MALRD1: variants seen among roughly 807,000 people sequenced by gnomAD.
The protein encoded by MALRD1 is MAM and LDL receptor class A domain containing 1.
In MALRD1, 247 loss-of-function variants were observed where a neutral mutation model predicts 242.1. The observed-to-expected ratio is 1.02, with a 90% confidence interval of 0.92 to 1.13. The LOEUF (loss-of-function observed/expected upper bound fraction) is 1.13. MALRD1 is among the 50% of genes most tolerant of loss of function. MALRD1 has a pLI of 0.00. For synonymous variants in MALRD1, 995 were observed against 866.6 expected (o/e 1.15, Z -2.60); for missense variants, 2,989 against 2,533.1 (o/e 1.18, Z -3.86).
intron 36 of MALRD1, among the ~76,000 whole-genome samples, chr10:19,661,104 A>T (rs1841405877): frequency 6.6e-6 from 1 of 152,206 alleles, no homozygotes; most frequent in Admixed American, 6.5e-5. Context: ...CACACCAGTT[A>T]GAATGGCAAT....
chr10:19,055,712 A>T (rs1834642946), intron 1 of MALRD1, among the ~76,000 whole-genome samples: 2 of 152,200 alleles, frequency 1.3e-5, no homozygotes, highest in Admixed American at 1.3e-4. Flanking sequence ...TCAATTGACC[A>T]TCAATGTGTG....
intron 21 of MALRD1, among the ~76,000 whole-genome samples, chr10:19,313,256 T>C (rs1842505680): frequency 6.6e-6 from 1 of 151,088 alleles, no homozygotes; most frequent in Non-Finnish European, 1.5e-5. Context: ...TTATAATCCT[T>C]ACTTCTCAGA....
At chr10:19,418,592 G>A (rs763614031) in intron 28 of MALRD1, among the ~76,000 whole-genome samples, 2 of 152,006 alleles carry the variant, frequency 1.3e-5, no homozygotes, top group Non-Finnish European at 2.9e-5. Context: ...ACACTGTTAT[G>A]ATCATATGAT....
At chr10:19,350,440 TTTG>T (rs1844325432) in intron 25 of MALRD1, among the ~76,000 whole-genome samples, 2 of 151,678 alleles carry the variant, frequency 1.3e-5, no homozygotes, top group African/African-American at 2.4e-5. Flanking sequence ...CTAGCTGTTT[TTTG>T]TTGTTGTATT....
intron 24 of MALRD1, among the ~76,000 whole-genome samples, chr10:19,344,716 C>G (rs1048541138): frequency 1.4e-5 from 2 of 140,592 alleles, no homozygotes; most frequent in African/African-American, 5.4e-5. Context: ...AATACCATGT[C>G]AATTGGGGGG....
At chr10:19,537,907 G>A (rs1361490435) in intron 32 of MALRD1, among the ~76,000 whole-genome samples, 2 of 152,154 alleles carry the variant, frequency 1.3e-5, no homozygotes, top group Admixed American at 1.3e-4. Context: ...AAGTGAAGAT[G>A]ATTTCAGAAG....
intron 26 of MALRD1, among the ~76,000 whole-genome samples, chr10:19,358,556 A>G (rs1259591657): frequency 6.6e-6 from 1 of 152,154 alleles, no homozygotes; most frequent in Non-Finnish European, 1.5e-5. Flanking sequence ...AAAGACATAA[A>G]CTTGGATCTT....
At chr10:19,394,354 A>C (rs1311667802) in intron 28 of MALRD1, among the ~76,000 whole-genome samples, 1 of 152,202 alleles carries the variant, frequency 6.6e-6, no homozygotes, top group African/African-American at 2.4e-5. Context: ...ATATGAATTC[A>C]GTTTTTCTGA....
In MALRD1 at chr10:19,410,773, TTAAC is replaced by T. The variant is rs549314295; in HGVS notation, c.4845+21168_4845+21171del. On this transcript the variant is annotated intron_variant, in intron 28 of 39. Transcript: ENST00000454679. ...TTGCAAGGTAGTAGCAAATACATGA[TTAAC>T]TAATATTCTAGAAATTCCATTTAGC... Among the ~76,000 whole-genome samples, 454 of 151,882 alleles carry T rather than the reference TTAAC, an allele frequency of 3.0e-3. 3 individuals carry two copies. The highest frequency in any genetic ancestry group is 0.011 in the African/African-American group (437 of 41,434).
intron 36 of MALRD1, among the ~76,000 whole-genome samples, chr10:19,675,047 A>C (rs1030948889): frequency 5.3e-5 from 8 of 152,016 alleles, no homozygotes; most frequent in African/African-American, 1.9e-4. Context: ...AAAGAAGAAC[A>C]CTTTTTATCT....
intron 5 of MALRD1, among the ~76,000 whole-genome samples, chr10:19,113,792 TACACACACAC>T (rs753384799): frequency 2.2e-4 from 29 of 134,556 alleles, no homozygotes; most frequent in African/African-American, 2.6e-4. Context: ...TACCACCCCC[TACACACACAC>T]ACACACACAC....
chr10:19,211,447 G>A (rs1357722069), intron 18 of MALRD1, among the ~76,000 whole-genome samples: 4 of 151,864 alleles, frequency 2.6e-5, no homozygotes. Flanking sequence ...GTAATCCCAA[G>A]ACTGGGAGGC....
rs561059973 is a variant in MALRD1, at chr10:19,397,782, T to A, written c.4845+8173T>A. Among the ~76,000 whole-genome samples the A allele has an allele frequency of 3.3e-3, 508 of 152,182 alleles. 4 individuals are homozygous for A. Among genetic ancestry groups the A allele is most frequent in the African/African-American group, 0.012 (490 of 41,528 alleles). ...GCTTTTGTTGTCTGTGAATTTGAGGTCTTATCCTAGTTCCACAACGTTGCT... is the reference window on the plus strand; with the variant it reads ...GCTTTTGTTGTCTGTGAATTTGAGGACTTATCCTAGTTCCACAACGTTGCT... On this transcript the variant is annotated intron_variant, in intron 28 of 39. Transcript: ENST00000454679.
intron 19 of MALRD1, among the ~76,000 whole-genome samples, chr10:19,259,928 C>T (rs947714334): frequency 1.3e-5 from 2 of 152,022 alleles, no homozygotes; most frequent in Non-Finnish European, 2.9e-5. Context: ...TCTATTTTCC[C>T]CCATAATGAT....
At chr10:19,402,671 T>G (rs116434632) in intron 28 of MALRD1, among the ~76,000 whole-genome samples, 3,324 of 152,298 alleles carry the variant, frequency 0.022, 46 homozygotes, top group Middle Eastern at 0.034. Flanking sequence ...GTTATTCCCT[T>G]AAAATCTTTC....
intron 36 of MALRD1, among the ~76,000 whole-genome samples, chr10:19,689,987 A>G (rs1399797020): frequency 6.6e-6 from 1 of 152,120 alleles, no homozygotes; most frequent in Non-Finnish European, 1.5e-5. Context: ...ATTAAAATTT[A>G]TAGAAGGTAA....
chr10:19,403,005 GA>G (rs36108565), intron 28 of MALRD1, among the ~76,000 whole-genome samples: 127,581 of 151,978 alleles, frequency 0.84, 53,865 homozygotes, highest in African/African-American at 0.87. Context: ...TATAATGTTA[GA>G]AAAAAATAAG....
At chr10:19,072,249 G>A (rs1358797163) in intron 2 of MALRD1, among the ~76,000 whole-genome samples, 1 of 152,006 alleles carries the variant, frequency 6.6e-6, no homozygotes, top group East Asian at 1.9e-4. Context: ...CATTGAAAGG[G>A]CTGATAGCAA....
At chr10:19,414,523 A>G (rs1368671156) in intron 28 of MALRD1, among the ~76,000 whole-genome samples, 2 of 152,334 alleles carry the variant, frequency 1.3e-5, no homozygotes, top group East Asian at 1.9e-4. Context: ...TTAGATTGCC[A>G]TGTAATTTTA....
Sources: gnomAD v4.1 joint callset for allele counts (sites outside exome capture counted in the v4.1 genomes callset) on GRCh38, gnomAD v4.1.1 for gene constraint, MANE v1.5 for transcripts, NCBI Gene and HGNC (gene_info 2026-07-23, HGNC 2026-07-21) for gene names.